The following DNAH12 variants were observed in gnomAD, a reference collection of about 807,000 sequenced individuals.
DNAH12 encodes the protein axonemal beta dynein heavy chain 12.
A neutral mutation model predicts 371.5 loss-of-function variants in DNAH12; 285 were observed. The ratio of observed to expected loss-of-function variants is 0.77; its 90% confidence interval spans 0.70 to 0.85. DNAH12 has a LOEUF of 0.85. Among genes scored for constraint, DNAH12 ranks in the 40% least tolerant of loss-of-function variants. The pLI is 0.00. For synonymous variants in DNAH12, 1,200 were observed against 1,213.0 expected, an observed-to-expected ratio of 0.99 and a Z score of 0.22; for missense variants, 3,611 against 3,689.4, an observed-to-expected ratio of 0.98 and a Z score of 0.55.
Position 57,349,617 on chromosome 3 carries a change from A to T in DNAH12, c.9674+2468T>A, listed in dbSNP as rs775993864. Among the ~76,000 whole-genome samples, 77 of 152,236 alleles carry T rather than the reference A, an allele frequency of 5.1e-4. 1 individual carries two copies. Among genetic ancestry groups the T allele is most frequent in the Non-Finnish European group, 1.6e-4 (11 of 68,040 alleles). ...AGAAAATGTGACATATATATACCAC[A>T]AAATACTACTCAGCCATAAAAAGGA... On this transcript the variant is annotated intron_variant, in intron 60 of 73. Coordinates refer to ENST00000495027, the MANE Select transcript of DNAH12 (RefSeq NM_001366028.2).
chr3:57,419,708 C>T (rs971684235), intron 36 of DNAH12, among the ~76,000 whole-genome samples, 190 bp from the exon 37 acceptor site: 2 of 152,056 alleles, frequency 1.3e-5, no homozygotes, highest in Admixed American at 6.5e-5. Flanking sequence ...ATAAAATAAG[C>T]ATTCATGAAA....
At chr3:57,304,116 C>T (rs1019762715) in intron 69 of DNAH12, among the ~76,000 whole-genome samples, 2 of 149,394 alleles carry the variant, frequency 1.3e-5, no homozygotes, top group African/African-American at 4.9e-5. Flanking sequence ...CCTTTACCTA[C>T]CCAAATCTTA....
At chr3:57,428,165 G>C (rs1307433391) in intron 34 of DNAH12, among the ~76,000 whole-genome samples, 1 of 152,100 alleles carries the variant, frequency 6.6e-6, no homozygotes, top group Non-Finnish European at 1.5e-5. Flanking sequence ...CTGACTTCAA[G>C]TGATCCGCCC....
At chr3:57,520,382 C>A (rs867383363) in intron 4 of DNAH12, among the ~76,000 whole-genome samples, 173 of 151,288 alleles carry the variant, frequency 1.1e-3, no homozygotes, top group African/African-American at 3.9e-3. Flanking sequence ...TGAGCCACTG[C>A]GCCTGACCGT....
At chr3:57,500,141 A>C (rs1575691663) in intron 11 of DNAH12, among the ~76,000 whole-genome samples, 2 of 123,336 alleles carry the variant, frequency 1.6e-5, no homozygotes, top group Admixed American at 1.7e-4. Flanking sequence ...CCCAGGTTCA[A>C]GCGATCCTAC....
rs192658783 is a variant in DNAH12 at position 57,514,524 on chromosome 3, C to A, written c.280-3545G>T. 8.2e-3 allele frequency among the ~76,000 whole-genome samples: 1,245 copies of A among 151,732 alleles called. 14 individuals carry two copies. The highest frequency in any genetic ancestry group is 0.029 in the African/African-American group (1,190 of 41,352). On this transcript the variant is annotated intron_variant, in intron 4 of 73. Transcript: ENST00000495027. ...AAAATTAAACACAGGAAGGATAAAT[C>A]AAAAATTAATGAGATTGGTTATATG...
At chr3:57,322,592 T>C (rs1488769449) in intron 64 of DNAH12, 109 bp from the exon 65 acceptor site, 1 of 1,249,690 alleles carries the variant, frequency 8.0e-7, no homozygotes, top group East Asian at 2.6e-5. Flanking sequence ...CCAGAAATAT[T>C]CAAAAAACCT....
At chr3:57,406,975 T>C (rs1431272102) in intron 40 of DNAH12, among the ~76,000 whole-genome samples, 1 of 152,044 alleles carries the variant, frequency 6.6e-6, no homozygotes, top group Non-Finnish European at 1.5e-5. Flanking sequence ...TTTGGCTCAC[T>C]GCAACCTCCA....
At position 57,450,074 on chromosome 3, in the gene DNAH12, C is replaced by T. The variant is rs150332721; in HGVS notation, c.3786+2769G>A. The stretch of plus-strand genomic sequence containing the variant: ...ACCAGCCTGGCCAACATGGTGAAAC[C>T]CTGTCTCTACGAAAAATACAAAAAT... On this transcript the variant is annotated intron_variant, in intron 25 of 73. Transcript: ENST00000495027. 4.2e-3 allele frequency among the ~76,000 whole-genome samples: 645 copies of T among 152,220 alleles called. 7 individuals carry two copies. The highest frequency in any genetic ancestry group is 0.015 in the African/African-American group (626 of 41,532).
At position 57,329,770 on chromosome 3, in the gene DNAH12, C is replaced by T. The variant is rs575830912; in HGVS notation, c.9978+4695G>A. On this transcript the variant is annotated intron_variant, in intron 62 of 73. Transcript: ENST00000495027. ...CAAAAGAAACTACCATCAGAGTGAA[C>T]AGGCAACCCACAAAATGGGAGAAAA... Among the ~76,000 whole-genome samples, 36 of 151,960 alleles carry T rather than the reference C, an allele frequency of 2.4e-4. No individual in the cohort carries two copies. In the East Asian group the frequency reaches 3.1e-3, roughly 13 times the overall value.
chr3:57,483,562 T>C (rs539836177), intron 12 of DNAH12, 51 bp from the exon 13 acceptor site: 2 of 1,481,390 alleles, frequency 1.4e-6, no homozygotes, highest in East Asian at 5.0e-5. Context: ...TGTTATATCA[T>C]ATTCAATAAA....
rs760353997 is a variant in DNAH12, at chr3:57,323,098, A to G, written c.10292T>C (p.Met3431Thr). Residue 3431 changes from methionine to threonine, a missense_variant, in exon 64 of 74, where the codon ATG becomes ACG. This residue lies in a region of DNAH12 where 2,266 missense variants were observed against 2,236.9 expected (regional missense o/e 1.01). Coordinates refer to ENST00000495027, the MANE Select transcript of DNAH12 (RefSeq NM_001366028.2). ...LQNCHLAVSW[M>T]PMLEKICEDF... ...TTCACATATTTTTTCCAACATGGGC[A>G]TCCAGGACACTGCAAGATGGCAATT... 1 of 1,552,454 alleles carries G rather than the reference A, an allele frequency of 6.4e-7. No individual in the cohort carries two copies. The highest frequency in any genetic ancestry group is 2.4e-5 in the East Asian group (1 of 40,924).
intron 2 of DNAH12, among the ~76,000 whole-genome samples, chr3:57,524,680 C>A (rs3926468): frequency 0.41 from 62,746 of 151,804 alleles, 14,478 homozygotes; most frequent in South Asian, 0.57. Context: ...AGGCCACATA[C>A]ATGTTACCAT....
intron 69 of DNAH12, among the ~76,000 whole-genome samples, chr3:57,302,555 A>ATGT (rs1559535346): frequency 1.2e-5 from 1 of 80,990 alleles, no homozygotes; most frequent in African/African-American, 4.4e-5. Flanking sequence ...ATATATATAT[A>ATGT]TATATATATG....
At chr3:57,368,823 T>C (rs1247732608) in intron 55 of DNAH12, among the ~76,000 whole-genome samples, 1 of 152,198 alleles carries the variant, frequency 6.6e-6, no homozygotes, top group African/African-American at 2.4e-5. Context: ...ATGTGTAATA[T>C]ATGATGTGCT....
At chr3:57,477,037 G>A (rs2066552895) in intron 13 of DNAH12, among the ~76,000 whole-genome samples, 1 of 152,082 alleles carries the variant, frequency 6.6e-6, no homozygotes, top group Admixed American at 6.5e-5. Flanking sequence ...TCCAACTGAG[G>A]TACCAGGTTC....
At chr3:57,446,982 A>C (rs2065524148) in intron 25 of DNAH12, among the ~76,000 whole-genome samples, 1 of 152,226 alleles carries the variant, frequency 6.6e-6, no homozygotes, top group Non-Finnish European at 1.5e-5. Context: ...GGAAGGTTTT[A>C]ATTAGAAGTG....
Position 57,461,637 on chromosome 3 carries a change from A to G in DNAH12, c.2588T>C (p.Ile863Thr), listed in dbSNP as rs952804846. ...MNTMIGTWEDIAFHISLYRDT... is the reference protein window; with the variant it reads ...MNTMIGTWEDTAFHISLYRDT... ...ACGATACAGACTTATATGAAAAGCA[A>G]TATCTTCCCAAGTTCCTATCATTGT... Residue 863 changes from isoleucine to threonine, a missense_variant, in exon 19 of 74, where the codon ATT becomes ACT. Ile to Thr is a moderately conservative substitution (Grantham distance 89). Transcript: ENST00000495027. The G allele has an allele frequency of 2.0e-5, 31 of 1,551,264 alleles. No homozygotes were observed. The highest frequency in any genetic ancestry group is 1.7e-4 in the Middle Eastern group (1 of 5,986).
At chr3:57,429,463 A>G (rs2064888405) in intron 33 of DNAH12, among the ~76,000 whole-genome samples, 1 of 152,190 alleles carries the variant, frequency 6.6e-6, no homozygotes, top group East Asian at 1.9e-4. Flanking sequence ...GGCGTGAGCC[A>G]CCGTGCCCAG....
Sources: allele counts gnomAD v4.1 joint callset (sites outside exome capture counted in the v4.1 genomes callset), GRCh38; gene constraint gnomAD v4.1.1; regional missense constraint gnomAD v4.1.1; transcripts MANE v1.5; gene names NCBI Gene and HGNC (gene_info 2026-07-23, HGNC 2026-07-21).